The following FAXC variants were observed in gnomAD, a reference collection of about 807,000 sequenced individuals.
FAXC encodes failed axon connections homolog, metaxin like GST domain containing.
FAXC carries 10 observed loss-of-function variants against 41.9 expected under a neutral mutation model. The observed-to-expected ratio is 0.24, with a 90% CI of 0.15 to 0.41. The LOEUF is 0.41. FAXC is among the 10% of genes least tolerant of loss of function. The pLI, the probability that FAXC is intolerant of heterozygous loss-of-function variation, is 1.00. For missense variants in FAXC, 399 were observed against 510.9 expected (o/e 0.78, Z 2.11); for synonymous variants, 183 against 183.8 (o/e 1.00, Z 0.03).
At chr6:99,349,764 TC>T (rs1773740549), upstream of FAXC, 1 of 151,826 alleles carries the variant, frequency 6.6e-6, no homozygotes, top group African/African-American at 2.4e-5. Flanking sequence ...ATCTCCGCGG[TC>T]CGGCCGCCTC....
At chr6:99,320,046 T>C (rs936490964) in intron 4 of FAXC, among the ~76,000 whole-genome samples, 2 of 152,202 alleles carry the variant, frequency 1.3e-5, no homozygotes, top group Non-Finnish European at 2.9e-5. Flanking sequence ...CAAAACTACA[T>C]TAAATAATAG....
At chr6:99,337,928 A>T (rs537820462) in intron 2 of FAXC, among the ~76,000 whole-genome samples, 29 of 152,334 alleles carry the variant, frequency 1.9e-4, no homozygotes, top group Non-Finnish European at 2.6e-4. Flanking sequence ...TAATCTTTTT[A>T]AAATGGCACA....
At chr6:99,290,521 G>A (rs1020646063) in intron 5 of FAXC, among the ~76,000 whole-genome samples, 4 of 151,720 alleles carry the variant, frequency 2.6e-5, no homozygotes, top group African/African-American at 9.7e-5. Context: ...GACCGACATG[G>A]CAAAACCCCG....
intron 4 of FAXC, among the ~76,000 whole-genome samples, chr6:99,296,150 T>C (rs976785581): frequency 6.6e-6 from 1 of 152,108 alleles, no homozygotes; most frequent in African/African-American, 2.4e-5. Context: ...CTTTGGGAGC[T>C]TGGCAAAAAA....
intron 4 of FAXC, among the ~76,000 whole-genome samples, chr6:99,307,290 C>T (rs888281798): frequency 3.3e-5 from 5 of 151,976 alleles, no homozygotes; most frequent in African/African-American, 4.8e-5. Flanking sequence ...AAGCAGGAGA[C>T]AGGACAGAAC....
chr6:99,306,147 A>G (rs1288800656), intron 4 of FAXC, among the ~76,000 whole-genome samples: 1 of 152,108 alleles, frequency 6.6e-6, no homozygotes, highest in East Asian at 1.9e-4. Flanking sequence ...AAAGATCTGG[A>G]GGAAGAGAAT....
rs556696922 is a variant in FAXC, at chr6:99,272,389, G to A, written c.*8775C>T. ...AGGGTTTCTCCATGTTGGTCAGGCTGGTCTCAAACTCCCAACCTCAGGTGA... is the reference window on the plus strand; with the variant it reads ...AGGGTTTCTCCATGTTGGTCAGGCTAGTCTCAAACTCCCAACCTCAGGTGA... On this transcript the variant is annotated 3_prime_UTR_variant, in exon 6 of 6. Coordinates refer to ENST00000389677, the MANE Select transcript of FAXC (RefSeq NM_032511.4). The A allele has an allele frequency of 6.6e-6, 1 of 152,264 alleles. No homozygotes were observed. Among genetic ancestry groups the A allele is most frequent in the South Asian group, 2.1e-4 (1 of 4,816 alleles). The allele number at this position is 152,264 out of a possible 1,614,324, so 9.4% of individuals were successfully genotyped here.
rs540636942 is a variant in FAXC at position 99,275,118 on chromosome 6, T to G, written c.*6046A>C. The G allele has an allele frequency of 6.6e-6, 1 of 152,292 alleles. No individual in the cohort carries two copies. The highest frequency in any genetic ancestry group is 6.5e-5 in the Admixed American group (1 of 15,298). 9.4% of individuals were successfully genotyped at this position (152,292 alleles called of 1,614,324 possible). The stretch of plus-strand genomic sequence containing the variant: ...CTTAAGCATTACTAATAAGTGAAAG[T>G]TACTCTATTCCAGAGCCACAAATAA... On this transcript the variant is annotated 3_prime_UTR_variant, in exon 6 of 6. Transcript: ENST00000389677.
intron 4 of FAXC, among the ~76,000 whole-genome samples, chr6:99,314,094 GGCCTCAAGCGATTCCCATT>G (rs1212022029): frequency 6.6e-6 from 1 of 152,024 alleles, no homozygotes; most frequent in Non-Finnish European, 1.5e-5. Flanking sequence ...TTCAACTCCT[GGCCTCAAGCGATTCCCATT>G]GCCTCAGCCT....
chr6:99,273,649 T>C lies in FAXC; in HGVS notation c.*7515A>G, dbSNP rs758089652. On this transcript the variant is annotated 3_prime_UTR_variant, in exon 6 of 6. Coordinates refer to ENST00000389677, the MANE Select transcript of FAXC (RefSeq NM_032511.4). ...CCTATTTTAAGTAAAAATAATTAAA[T>C]ACCTTGACCTAAAATCATGCGTCCA... 1.4e-4 allele frequency: 22 copies of C among 151,780 alleles called. No individual in the cohort carries two copies. Among genetic ancestry groups the C allele is most frequent in the Non-Finnish European group, 2.9e-4 (20 of 67,978 alleles). 9.4% of individuals were successfully genotyped at this position (151,780 alleles called of 1,614,324 possible).
At chr6:99,341,941 G>C (rs1366129101) in intron 2 of FAXC, among the ~76,000 whole-genome samples, 1 of 152,018 alleles carries the variant, frequency 6.6e-6, no homozygotes, top group Non-Finnish European at 1.5e-5. Flanking sequence ...CATATGGCTA[G>C]AACTTGGTTA....
In FAXC at chr6:99,278,101, C is replaced by G. The variant is rs560774482; in HGVS notation, c.*3063G>C. 1 of 152,178 alleles carries G rather than the reference C, an allele frequency of 6.6e-6. No individual in the cohort carries two copies. Among genetic ancestry groups the G allele is most frequent in the Non-Finnish European group, 1.5e-5 (1 of 68,024 alleles). The allele number at this position is 152,178 out of a possible 1,614,324, so 9.4% of individuals were successfully genotyped here. On this transcript the variant is annotated 3_prime_UTR_variant, in exon 6 of 6. Transcript: ENST00000389677. ...AGTCTGATTCAAGTCCAAGTTGTTCCAGGTCCGTGATTAGTCTCCTGGGTA... is the reference window on the plus strand; with the variant it reads ...AGTCTGATTCAAGTCCAAGTTGTTCGAGGTCCGTGATTAGTCTCCTGGGTA...
intron 1 of FAXC, among the ~76,000 whole-genome samples, chr6:99,346,375 C>T (rs1205740433): frequency 6.6e-6 from 1 of 152,190 alleles, no homozygotes; most frequent in Non-Finnish European, 1.5e-5. Flanking sequence ...CTTCCTCCAA[C>T]AAAACGGATT....
At chr6:99,306,187 C>A (rs1771914168) in intron 4 of FAXC, among the ~76,000 whole-genome samples, 1 of 151,972 alleles carries the variant, frequency 6.6e-6, no homozygotes, top group South Asian at 2.1e-4. Flanking sequence ...AAGGCACAGG[C>A]CTGAAAATCA....
intron 4 of FAXC, among the ~76,000 whole-genome samples, chr6:99,317,387 G>A (rs948196776): frequency 6.6e-6 from 1 of 152,094 alleles, no homozygotes; most frequent in Admixed American, 6.6e-5. Context: ...TGCTTCCAGG[G>A]GCAACCTAAT....
intron 1 of FAXC, among the ~76,000 whole-genome samples, chr6:99,345,418 G>A (rs936648759): frequency 7.2e-5 from 11 of 152,194 alleles, no homozygotes; most frequent in African/African-American, 2.7e-4. Flanking sequence ...AGGTTATGTG[G>A]TTGGTTACAG....
rs10527054 is a variant in FAXC at position 99,272,146 on chromosome 6, A to ATGTGTGTGTGTGTGTGTGTG, written c.*8998_*9017dup. ...AGGTATGAAAACTAATTGAGACTATATGTGTGTGTGTGTGTGTGTGTGTGT... is the reference window on the plus strand; with the variant it reads ...AGGTATGAAAACTAATTGAGACTATATGTGTGTGTGTGTGTGTGTGTGTGTGTGTGTGTGTGTGTGTGTGT... On this transcript the variant is annotated 3_prime_UTR_variant, in exon 6 of 6. Coordinates refer to ENST00000389677, the MANE Select transcript of FAXC (RefSeq NM_032511.4). 7 of 143,886 alleles carry ATGTGTGTGTGTGTGTGTGTG rather than the reference A, an allele frequency of 4.9e-5. No individual in the cohort carries two copies. The highest frequency in any genetic ancestry group is 2.3e-4 in the South Asian group (1 of 4,256). The allele number at this position is 143,886 out of a possible 1,614,324, so 8.9% of individuals were successfully genotyped here. A position where few individuals can be genotyped will look rare whatever the true frequency, so the allele number is the denominator to read the frequency against.
intron 2 of FAXC, among the ~76,000 whole-genome samples, chr6:99,341,053 G>A (rs1455813465): frequency 1.3e-5 from 2 of 152,096 alleles, no homozygotes; most frequent in African/African-American, 2.4e-5. Context: ...CAAGGTACAC[G>A]TAAACTGCTA....
rs1770801590 is a variant in FAXC at position 99,280,823 on chromosome 6, T to G, written c.*341A>C. Reference sequence around the variant, plus strand: ...AAGAATCCATCTCACAATTAAGACCTCAGGGTTGAAGAGGATCATCATAAA... The same window carrying G: ...AAGAATCCATCTCACAATTAAGACCGCAGGGTTGAAGAGGATCATCATAAA... On this transcript the variant is annotated 3_prime_UTR_variant, in exon 6 of 6. Transcript: ENST00000389677. 4.8e-6 allele frequency: 1 copy of G among 210,488 alleles called. No homozygotes were observed. The highest frequency in any genetic ancestry group is 9.7e-6 in the Non-Finnish European group (1 of 103,368). The allele number at this position is 210,488 out of a possible 1,614,324, so 13.0% of individuals were successfully genotyped here.
Sources: allele counts gnomAD v4.1 joint callset (sites outside exome capture counted in the v4.1 genomes callset), GRCh38; gene constraint gnomAD v4.1.1; transcripts MANE v1.5; gene names NCBI Gene and HGNC (gene_info 2026-07-23, HGNC 2026-07-21).